The following HMCN1 variants were observed in gnomAD, a reference collection of about 807,000 sequenced individuals.
The protein encoded by HMCN1 is hemicentin-1.
HMCN1 carries 321 observed loss-of-function variants against 625.9 expected under a neutral mutation model. That is an observed-to-expected ratio of 0.51 (90% CI 0.47 to 0.56). The LOEUF is 0.56. HMCN1 is among the 20% of genes least tolerant of loss of function. HMCN1 has a pLI of 0.00. For synonymous variants in HMCN1, 2,425 were observed against 2,417.6 expected (o/e 1.00, Z -0.09); for missense variants, 6,588 against 6,887.3 (o/e 0.96, Z 1.54).
At chr1:185,963,368 A>G (rs1216768466) in intron 12 of HMCN1, among the ~76,000 whole-genome samples, 2 of 152,130 alleles carry the variant, frequency 1.3e-5, no homozygotes, top group African/African-American at 2.4e-5. Flanking sequence ...TGAACCGTTT[A>G]CTATAGCAAT....
chr1:185,857,451 A>G (rs979475843), intron 2 of HMCN1, among the ~76,000 whole-genome samples: 4 of 150,294 alleles, frequency 2.7e-5, no homozygotes, highest in Non-Finnish European at 4.4e-5. Flanking sequence ...GTTCATCTCC[A>G]TTATACCTTT....
At chr1:185,920,032 CA>C (rs900497347) in intron 6 of HMCN1, among the ~76,000 whole-genome samples, 2 of 152,122 alleles carry the variant, frequency 1.3e-5, no homozygotes, top group Admixed American at 1.3e-4. Context: ...GAGGTGAAAA[CA>C]ATAGCTTACT....
intron 56 of HMCN1, 24 bp from the exon 57 acceptor site, chr1:186,082,841 G>T (rs1659250899): frequency 7.1e-7 from 1 of 1,398,960 alleles, no homozygotes; most frequent in East Asian, 2.4e-5. Context: ...AATTTTATTT[G>T]GAATTTCTTC....
At position 185,958,875 on chromosome 1, in the gene HMCN1, G is replaced by A. The variant is rs116734383; in HGVS notation, c.1829-3643G>A. Among the ~76,000 whole-genome samples the A allele has an allele frequency of 3.2e-3, 481 of 152,262 alleles. 1 individual carries two copies. The highest frequency in any genetic ancestry group is 0.011 in the African/African-American group (443 of 41,550). ...AAAATAAATGGTGGGTCTAGAGTTAGATACCCGGCATGTAATAGGCACTGA... is the reference window on the plus strand; with the variant it reads ...AAAATAAATGGTGGGTCTAGAGTTAAATACCCGGCATGTAATAGGCACTGA... On this transcript the variant is annotated intron_variant, in intron 11 of 106. Coordinates refer to ENST00000271588, the MANE Select transcript of HMCN1 (RefSeq NM_031935.3).
chr1:186,019,717 C>A (rs1234345614), intron 35 of HMCN1, 22 bp downstream of exon 35: 3 of 1,595,890 alleles, frequency 1.9e-6, no homozygotes, highest in East Asian at 2.2e-5. Context: ...TATTACTCAG[C>A]CTAAACTGGG....
rs1360770948 is a variant in HMCN1 at position 186,165,144 on chromosome 1, C to A, written c.15290C>A (p.Thr5097Asn). Reference sequence around the variant, plus strand: ...AGTAATCAGTGCCCCTCCGGGTTTACCTTAGACTCAGTTGGACCTTTTTGT... The same window carrying A: ...AGTAATCAGTGCCCCTCCGGGTTTAACTTAGACTCAGTTGGACCTTTTTGT... ...DRSNQCPSGF[T>N]LDSVGPFCAD... The change falls in exon 98 of 107, where the codon ACC (threonine) becomes AAC (asparagine). Residue 5097 changes from threonine (T) to asparagine (N), a missense_variant. Thr to Asn is a moderately conservative substitution (Grantham distance 65). Transcript: ENST00000271588. 3.7e-6 allele frequency: 6 copies of A among 1,613,926 alleles called. No homozygotes were observed. In the African/African-American group the frequency reaches 6.7e-5, roughly 18 times the overall value.
rs1653085014 is a variant in HMCN1 at position 186,000,227 on chromosome 1, C to T, written c.4057C>T (p.Leu1353Phe). ...TGGAACCACAGAAAGAAAATATAAC[C>T]TCAAAGTCCATGGTAAATGTAGCTA... ...EAGTTERKYN[L>F]KVHVPPVIKD... The change falls in exon 26 of 107, where the codon CTC becomes TTC. Residue 1353 changes from leucine to phenylalanine, a missense_variant. Coordinates refer to ENST00000271588, the MANE Select transcript of HMCN1 (RefSeq NM_031935.3). 1 of 1,612,142 alleles carries T rather than the reference C, an allele frequency of 6.2e-7. No individual in the cohort carries two copies. Among genetic ancestry groups the T allele is most frequent in the African/African-American group, 1.3e-5 (1 of 74,946 alleles).
intron 2 of HMCN1, among the ~76,000 whole-genome samples, chr1:185,847,066 T>C: frequency 6.6e-6 from 1 of 152,088 alleles, no homozygotes; most frequent in Middle Eastern, 3.2e-3. Context: ...TCCAGTCCAC[T>C]GACCCCTACA....
chr1:185,997,564 A>T (rs751288724), intron 25 of HMCN1, 40 bp downstream of exon 25: 3 of 1,372,256 alleles, frequency 2.2e-6, no homozygotes, highest in South Asian at 2.3e-5. Context: ...GCATAATGTT[A>T]TATGGTTTCA....
chr1:186,033,433 T>C (rs553059930), intron 36 of HMCN1, among the ~76,000 whole-genome samples: 2 of 152,122 alleles, frequency 1.3e-5, no homozygotes, highest in Non-Finnish European at 2.9e-5. Flanking sequence ...TCCCAAAAAC[T>C]ATTGAGATAA....
At chr1:185,965,613 G>C (rs546268069) in intron 13 of HMCN1, among the ~76,000 whole-genome samples, 189 bp from the exon 14 acceptor site, 13 of 151,502 alleles carry the variant, frequency 8.6e-5, no homozygotes, top group Admixed American at 3.9e-4. Flanking sequence ...TCATTTCTTT[G>C]ACCTTGATAA....
chr1:186,161,690 G>A (rs1047295973), intron 97 of HMCN1, among the ~76,000 whole-genome samples: 8 of 151,976 alleles, frequency 5.3e-5, no homozygotes, highest in South Asian at 2.1e-4. Flanking sequence ...AGCTTAGTTT[G>A]GCTGGATATG....
At chr1:185,978,569 AG>A (rs1191946119) in intron 16 of HMCN1, among the ~76,000 whole-genome samples, 1 of 152,204 alleles carries the variant, frequency 6.6e-6, no homozygotes, top group Non-Finnish European at 1.5e-5. Context: ...TTACCAGAGG[AG>A]GAAAAGCATT....
rs758604199 is a variant in HMCN1 at position 186,130,106 on chromosome 1, G to C, written c.13039+6G>C. 1 of 1,612,976 alleles carries C rather than the reference G, an allele frequency of 6.2e-7. No homozygotes were observed. The highest frequency in any genetic ancestry group is 1.7e-5 in the Admixed American group (1 of 59,934). On this transcript the variant is annotated splice_donor_region_variant and intron_variant, in intron 84 of 106. Coordinates refer to ENST00000271588, the MANE Select transcript of HMCN1 (RefSeq NM_031935.3). Reference sequence around the variant, plus strand: ...TGGATTTGTTTATGTGAAAGGTAGGGAAAAGCGCTCCATTTTTAATTTATA... The same window carrying C: ...TGGATTTGTTTATGTGAAAGGTAGGCAAAAGCGCTCCATTTTTAATTTATA...
rs181479113 is a variant in HMCN1, at chr1:185,846,545, T to C, written c.339+449T>C. Among the ~76,000 whole-genome samples the C allele has an allele frequency of 1.2e-3, 187 of 152,340 alleles. 1 individual carries two copies. The highest frequency in any genetic ancestry group is 1.6e-3 in the African/African-American group (66 of 41,588). On this transcript the variant is annotated intron_variant, in intron 2 of 106. Coordinates refer to ENST00000271588, the MANE Select transcript of HMCN1 (RefSeq NM_031935.3). ...ATGTTTGACTGTACATATAACTTGG[T>C]TATTAGAGAAGATGAATCACATTGG...
At chr1:186,092,075 T>A (rs1659874428) in intron 64 of HMCN1, among the ~76,000 whole-genome samples, 1 of 151,968 alleles carries the variant, frequency 6.6e-6, no homozygotes, top group African/African-American at 2.4e-5. Context: ...TAAGATCTTT[T>A]ATATATGATA....
At chr1:185,869,160 C>T (rs944049941) in intron 4 of HMCN1, among the ~76,000 whole-genome samples, 5 of 152,184 alleles carry the variant, frequency 3.3e-5, no homozygotes, top group African/African-American at 7.2e-5. Context: ...TACTGCTAAA[C>T]CTCTAGAGTT....
rs768885386 is a variant in HMCN1, at chr1:186,172,128, A to G, written c.15811A>G (p.Ile5271Val). ...GMTKAENGTC[I>V]DIDECKDGTH... ...GACCAAGGCAGAAAATGGAACCTGT[A>G]TTGGTGAGTGTCTGGCTGTTTCCGT... The change falls in exon 102 of 107, where the codon ATT (isoleucine) becomes GTT (valine). Residue 5271 changes from isoleucine to valine, a missense_variant. Ile to Val is a conservative substitution (Grantham distance 29). Coordinates refer to ENST00000271588, the MANE Select transcript of HMCN1 (RefSeq NM_031935.3). 1.2e-5 allele frequency: 19 copies of G among 1,613,536 alleles called. No homozygotes were observed. In the East Asian group the frequency reaches 2.2e-4, roughly 19 times the overall value.
Position 186,115,435 on chromosome 1 carries a change from C to T in HMCN1, c.11561+21C>T, listed in dbSNP as rs202200341. 6.6e-5 allele frequency: 105 copies of T among 1,601,560 alleles called. 1 individual carries two copies. Among genetic ancestry groups the T allele is most frequent in the Admixed American group, 2.5e-4 (15 of 59,934 alleles). On this transcript the variant is annotated intron_variant, in intron 75 of 106. Coordinates refer to ENST00000271588, the MANE Select transcript of HMCN1 (RefSeq NM_031935.3). ...TACAGGTAAGGATAATTTAAAACTC[C>T]TACCAACTATTTACAAACAGTTTGT...
Sources: allele counts gnomAD v4.1 joint callset (sites outside exome capture counted in the v4.1 genomes callset), GRCh38; gene constraint gnomAD v4.1.1; transcripts MANE v1.5; gene names NCBI Gene and HGNC (gene_info 2026-07-23, HGNC 2026-07-21).